STAM: variants seen among roughly 807,000 people sequenced by gnomAD.
The protein encoded by STAM is signal transducing adapter molecule 1.
In STAM, 16 loss-of-function variants were observed where a neutral mutation model predicts 63.4. The ratio of observed to expected loss-of-function variants is 0.25; its 90% CI spans 0.17 to 0.38. The LOEUF (loss-of-function observed/expected upper bound fraction) is 0.38, where lower values mean the gene tolerates loss of function less well. Among genes scored for constraint, STAM ranks in the 10% least tolerant of loss-of-function variants. STAM has a pLI of 1.00. For synonymous variants in STAM, 238 were observed against 223.9 expected (o/e 1.06, Z -0.56); for missense variants, 636 against 657.1 (o/e 0.97, Z 0.35).
intron 8 of STAM, 119 bp downstream of exon 8, chr10:17,696,988 C>T (rs933184728): frequency 2.1e-5 from 15 of 708,256 alleles, no homozygotes; most frequent in South Asian, 1.1e-4. Flanking sequence ...GGTGCGAGCT[C>T]GGATCATTGC....
Position 17,644,301 on chromosome 10 carries a change from G to C in STAM, c.-39G>C, listed in dbSNP as rs1389135762. ...GTCGAGCTCTGACTCCCGTGCTGTC[G>C]AGAGGGAGTCCCCGGGGACACCTCG... On this transcript the variant is annotated 5_prime_UTR_variant, in exon 1 of 14. Coordinates refer to ENST00000377524, the MANE Select transcript of STAM (RefSeq NM_003473.4). 6.2e-7 allele frequency: 1 copy of C among 1,613,362 alleles called. No individual in the cohort carries two copies. Among genetic ancestry groups the C allele is most frequent in the Non-Finnish European group, 8.5e-7 (1 of 1,179,526 alleles).
In STAM at chr10:17,708,923, A is replaced by T. The variant is rs1171491242; in HGVS notation, c.1357A>T (p.Ser453Cys). 6.2e-7 allele frequency: 1 copy of T among 1,614,052 alleles called. No individual in the cohort carries two copies. The highest frequency in any genetic ancestry group is 8.5e-7 in the Non-Finnish European group (1 of 1,179,950). The change falls in exon 13 of 14, where the codon AGT becomes TGT. Residue 453 changes from serine to cysteine, a missense_variant. Transcript: ENST00000377524. Reference protein sequence around the residue: ...VPPSANPALPSQQTQAAYPNT... With the variant: ...VPPSANPALPCQQTQAAYPNT... ...ACCATCCGCAAACCCAGCCCTTCCT[A>T]GTCAGCAGACTCAGGCCGCTTACCC...
chr10:17,711,052 G>T (rs1206082479), intron 13 of STAM, among the ~76,000 whole-genome samples: 2 of 152,192 alleles, frequency 1.3e-5, no homozygotes, highest in East Asian at 1.9e-4. Context: ...CTTACTAGAG[G>T]TGTCCTGCGT....
intron 5 of STAM, among the ~76,000 whole-genome samples, chr10:17,688,502 G>T (rs1465632331): frequency 6.6e-6 from 1 of 151,992 alleles, no homozygotes; most frequent in East Asian, 1.9e-4. Context: ...TTTGTTTGTC[G>T]CCCTGGGTAG....
intron 8 of STAM, among the ~76,000 whole-genome samples, chr10:17,699,230 A>C (rs1228318685): frequency 6.6e-6 from 1 of 152,224 alleles, no homozygotes; most frequent in Non-Finnish European, 1.5e-5. Flanking sequence ...AAAAGGGCAT[A>C]TCTCATAAGA....
rs782564050 is a variant in STAM at position 17,693,191 on chromosome 10, C to T, written c.445-31C>T. On this transcript the variant is annotated intron_variant, in intron 5 of 13. Transcript: ENST00000377524. ...GAGAGGAGGAGAATTTGATAACAAC[C>T]CTCAAATACTGTGTTCCTCTTTTTT... 3.8e-6 allele frequency: 6 copies of T among 1,587,708 alleles called. No individual in the cohort carries two copies. The African/African-American group carries it at 4.1e-5, about 11-fold the overall frequency.
chr10:17,646,463 T>G (rs1160688926), intron 1 of STAM, among the ~76,000 whole-genome samples: 1 of 152,212 alleles, frequency 6.6e-6, no homozygotes, highest in Non-Finnish European at 1.5e-5. Flanking sequence ...CATTTTTGCC[T>G]TTACCGAATT....
At position 17,691,504 on chromosome 10, in the gene STAM, C is replaced by T. The variant is rs540682265; in HGVS notation, c.445-1718C>T. Among the ~76,000 whole-genome samples the T allele has an allele frequency of 6.1e-4, 89 of 145,928 alleles. 1 individual carries two copies. Among genetic ancestry groups the T allele is most frequent in the African/African-American group, 2.2e-3 (87 of 39,984 alleles). ...CTGTACTCCAGCCTGGGCGACAGAG[C>T]GAGACTCAAATAAATAAATAAATAA... On this transcript the variant is annotated intron_variant, in intron 5 of 13. Transcript: ENST00000377524.
At chr10:17,665,603 G>A (rs1834344697) in intron 2 of STAM, among the ~76,000 whole-genome samples, 1 of 151,476 alleles carries the variant, frequency 6.6e-6, no homozygotes, top group Non-Finnish European at 1.5e-5. Flanking sequence ...TATTAGTATT[G>A]GACAAATTTG....
rs1489147688 is a variant in STAM, at chr10:17,715,618, G to A, written c.*838G>A. Reference sequence around the variant, plus strand: ...CACATTCTTTATTTCTCATTTTAAAGAAATGATGTTGGTTTACCTTTTCCT... The same window carrying A: ...CACATTCTTTATTTCTCATTTTAAAAAAATGATGTTGGTTTACCTTTTCCT... On this transcript the variant is annotated 3_prime_UTR_variant, in exon 14 of 14. Transcript: ENST00000377524. The A allele has an allele frequency of 6.6e-6, 1 of 152,546 alleles. No individual in the cohort carries two copies. Among genetic ancestry groups the A allele is most frequent in the African/African-American group, 2.4e-5 (1 of 41,444 alleles). The allele number at this position is 152,546 out of a possible 1,614,324, so 9.4% of individuals were successfully genotyped here.
intron 1 of STAM, among the ~76,000 whole-genome samples, chr10:17,651,339 G>A (rs1169026434): frequency 1.3e-5 from 2 of 152,158 alleles, no homozygotes; most frequent in Non-Finnish European, 2.9e-5. Context: ...AAAGCACTTA[G>A]CATAGCACCT....
chr10:17,693,328 C>T lies in STAM; in HGVS notation c.535+16C>T, dbSNP rs145879188. On this transcript the variant is annotated intron_variant, in intron 6 of 13. Transcript: ENST00000377524. Reference sequence around the variant, plus strand: ...TTAGCAAAAGGTGCGTTTTTAAGTCCCTGATGGTGGGAATAACATAAGCCT... The same window carrying T: ...TTAGCAAAAGGTGCGTTTTTAAGTCTCTGATGGTGGGAATAACATAAGCCT... The T allele has an allele frequency of 3.8e-3, 6,052 of 1,588,356 alleles. 27 individuals carry two copies. The highest frequency in any genetic ancestry group is 6.1e-3 in the Admixed American group (362 of 59,702).
intron 2 of STAM, among the ~76,000 whole-genome samples, chr10:17,678,064 A>G (rs924450061): frequency 1.3e-5 from 2 of 152,182 alleles, no homozygotes; most frequent in Non-Finnish European, 1.5e-5. Flanking sequence ...GTGCAACAGT[A>G]TCTAATTCCT....
chr10:17,671,872 G>A (rs1381856812), intron 2 of STAM, among the ~76,000 whole-genome samples: 1 of 151,954 alleles, frequency 6.6e-6, no homozygotes, highest in African/African-American at 2.4e-5. Context: ...AAAGTTGATT[G>A]GTCTAAAAAT....
At chr10:17,656,110 C>T (rs920052169) in intron 1 of STAM, among the ~76,000 whole-genome samples, 3 of 151,636 alleles carry the variant, frequency 2.0e-5, no homozygotes, top group African/African-American at 4.8e-5. Context: ...CTGGCTAACA[C>T]AGTGAAACCC....
intron 12 of STAM, among the ~76,000 whole-genome samples, chr10:17,706,626 G>T (rs953707535): frequency 2.6e-5 from 4 of 151,910 alleles, no homozygotes; most frequent in African/African-American, 9.7e-5. Flanking sequence ...TGATCCACCC[G>T]CCTCGGCCTC....
intron 8 of STAM, among the ~76,000 whole-genome samples, chr10:17,699,637 T>C (rs1212595598): frequency 6.6e-6 from 1 of 152,214 alleles, no homozygotes; most frequent in African/African-American, 2.4e-5. Context: ...GAGACCCCTG[T>C]CAAGGCCACC....
At chr10:17,711,030 G>T (rs1176476305) in intron 13 of STAM, among the ~76,000 whole-genome samples, 3 of 152,308 alleles carry the variant, frequency 2.0e-5, no homozygotes, top group African/African-American at 7.2e-5. Flanking sequence ...GAGGGCCAGG[G>T]TTAGAAATTT....
At chr10:17,647,045 A>C (rs1833546380) in intron 1 of STAM, among the ~76,000 whole-genome samples, 1 of 152,240 alleles carries the variant, frequency 6.6e-6, no homozygotes, top group South Asian at 2.1e-4. Flanking sequence ...TTCCCTTGGA[A>C]GAAACACCGA....
Sources: gnomAD v4.1 joint callset for allele counts (sites outside exome capture counted in the v4.1 genomes callset) on GRCh38, gnomAD v4.1.1 for gene constraint, MANE v1.5 for transcripts, NCBI Gene and HGNC (gene_info 2026-07-23, HGNC 2026-07-21) for gene names.